FAM184B: variants seen among roughly 807,000 people sequenced by gnomAD.
FAM184B encodes protein FAM184B.
FAM184B carries 111 observed loss-of-function variants against 135.9 expected under a neutral mutation model. The observed-to-expected ratio is 0.82, with a 90% CI of 0.70 to 0.96. FAM184B has a LOEUF of 0.96. Ranked by LOEUF, FAM184B falls within the 40% of genes least tolerant of loss-of-function variation. FAM184B has a pLI of 0.00. For synonymous variants in FAM184B, 552 were observed against 524.8 expected (o/e 1.05, Z -0.71); for missense variants, 1,375 against 1,323.9 (o/e 1.04, Z -0.60).
chr4:17,640,912 C>G (rs1041424827), intron 13 of FAM184B, among the ~76,000 whole-genome samples: 1 of 152,112 alleles, frequency 6.6e-6, no homozygotes. Flanking sequence ...TACAACAGCC[C>G]TGACAGGCCA....
chr4:17,722,324 G>A (rs1050442920), intron 1 of FAM184B, among the ~76,000 whole-genome samples: 14 of 152,180 alleles, frequency 9.2e-5, no homozygotes, highest in African/African-American at 2.4e-4. Context: ...CCCTGGATTC[G>A]GGTGCTGAGA....
At chr4:17,694,526 A>AC (rs1716811436) in intron 5 of FAM184B, among the ~76,000 whole-genome samples, 1 of 151,834 alleles carries the variant, frequency 6.6e-6, no homozygotes, top group African/African-American at 2.4e-5. Context: ...CCATCTCAAA[A>AC]AAAAAAAAAA....
Position 17,630,813 on chromosome 4 carries a change from A to C in FAM184B, c.*1719T>G, listed in dbSNP as rs1202901869. 6.6e-6 allele frequency: 1 copy of C among 151,890 alleles called. No individual in the cohort carries two copies. Among genetic ancestry groups the C allele is most frequent in the African/African-American group, 2.4e-5 (1 of 41,354 alleles). 9.4% of individuals were successfully genotyped at this position (151,890 alleles called of 1,614,324 possible). A position where few individuals can be genotyped will look rare whatever the true frequency, so the allele number is the denominator to read the frequency against. On this transcript the variant is annotated 3_prime_UTR_variant, in exon 18 of 18. Coordinates refer to ENST00000265018, the MANE Select transcript of FAM184B (RefSeq NM_015688.2). ...TTTTAAGATGGTGTGATTGAGGTTA[A>C]TGTGAACTGAACTTTCTATTTCTAA...
intron 7 of FAM184B, among the ~76,000 whole-genome samples, chr4:17,677,337 T>C (rs985043753): frequency 1.3e-5 from 2 of 152,182 alleles, no homozygotes; most frequent in African/African-American, 4.8e-5. Context: ...CGTAAGCCAC[T>C]GCACCCAGCC....
chr4:17,772,810 G>A (rs7672456), intron 1 of FAM184B, among the ~76,000 whole-genome samples: 4,092 of 152,262 alleles, frequency 0.027, 175 homozygotes, highest in African/African-American at 0.092. Context: ...CACAATGCTA[G>A]GCCAGGGCAG....
chr4:17,779,323 G>C (rs191737004), intron 1 of FAM184B, among the ~76,000 whole-genome samples: 2 of 152,280 alleles, frequency 1.3e-5, no homozygotes, highest in African/African-American at 4.8e-5. Context: ...CCAAAAGAAT[G>C]GTGGCCTATT....
chr4:17,642,811 T>G (rs1482337178), intron 12 of FAM184B, among the ~76,000 whole-genome samples: 10 of 152,220 alleles, frequency 6.6e-5, no homozygotes, highest in Admixed American at 6.5e-4. Context: ...CTAAACAGAA[T>G]TGTGCTAGAA....
chr4:17,747,214 G>A (rs1288843587), intron 1 of FAM184B, among the ~76,000 whole-genome samples: 1 of 152,078 alleles, frequency 6.6e-6, no homozygotes, highest in African/African-American at 2.4e-5. Flanking sequence ...TTTAGGTGGT[G>A]ACATTTCAGC....
intron 12 of FAM184B, among the ~76,000 whole-genome samples, chr4:17,643,517 T>TC (rs1422892517): frequency 1.3e-5 from 2 of 151,906 alleles, no homozygotes; most frequent in Non-Finnish European, 2.9e-5. Flanking sequence ...ACTGACTCCC[T>TC]CCATGGCCCA....
intron 1 of FAM184B, among the ~76,000 whole-genome samples, chr4:17,776,430 C>A (rs1313651295): frequency 6.6e-6 from 1 of 152,134 alleles, no homozygotes; most frequent in African/African-American, 2.4e-5. Context: ...CTCTTGTTGC[C>A]CAGGCTGGAG....
intron 1 of FAM184B, among the ~76,000 whole-genome samples, chr4:17,715,729 C>A (rs1717389265): frequency 6.6e-6 from 1 of 151,964 alleles, no homozygotes; most frequent in African/African-American, 2.4e-5. Context: ...TTGCATACAT[C>A]AAAACATCAT....
rs1337931902 is a variant in FAM184B at position 17,633,493 on chromosome 4, C to T, written c.3089+196G>A. ...AGGAAGACTGTAATTTGAATTCAGACCTCCAGGCCAGATGGAGTCCACCTT... is the reference window on the plus strand; with the variant it reads ...AGGAAGACTGTAATTTGAATTCAGATCTCCAGGCCAGATGGAGTCCACCTT... On this transcript the variant is annotated intron_variant, in intron 17 of 17. Transcript: ENST00000265018. The T allele has an allele frequency of 3.5e-5, 17 of 492,000 alleles. No individual in the cohort carries two copies. The South Asian group carries it at 4.0e-4, about 12-fold the overall frequency. 30.5% of individuals were successfully genotyped at this position (492,000 alleles called of 1,614,324 possible).
intron 7 of FAM184B, among the ~76,000 whole-genome samples, chr4:17,672,181 C>T (rs765301730): frequency 6.6e-6 from 1 of 151,944 alleles, no homozygotes; most frequent in African/African-American, 2.4e-5. Context: ...ATAAGAGAAC[C>T]CCCTCATAAG....
At chr4:17,681,608 T>C (rs1213221031) in intron 7 of FAM184B, among the ~76,000 whole-genome samples, 1 of 152,192 alleles carries the variant, frequency 6.6e-6, no homozygotes, top group African/African-American at 2.4e-5. Flanking sequence ...CCAGGACAGG[T>C]GATGCCTCAA....
intron 1 of FAM184B, among the ~76,000 whole-genome samples, chr4:17,774,419 G>A (rs74448892): frequency 0.027 from 4,086 of 152,304 alleles, 176 homozygotes; most frequent in African/African-American, 0.092. Flanking sequence ...GGAGAGTGCT[G>A]GGAGGGTACA....
chr4:17,746,950 A>G (rs547602193), intron 1 of FAM184B, among the ~76,000 whole-genome samples: 1 of 151,310 alleles, frequency 6.6e-6, no homozygotes, highest in South Asian at 2.1e-4. Flanking sequence ...AGGCAGGAGA[A>G]TCGCTTGAGC....
chr4:17,728,604 C>T (rs572038669), intron 1 of FAM184B, among the ~76,000 whole-genome samples: 4 of 152,064 alleles, frequency 2.6e-5, no homozygotes, highest in South Asian at 4.2e-4. Flanking sequence ...GAGAAGATGG[C>T]AACTAAGGGG....
At chr4:17,733,265 G>A (rs547636116) in intron 1 of FAM184B, among the ~76,000 whole-genome samples, 2,298 of 152,270 alleles carry the variant, frequency 0.015, 23 homozygotes, top group South Asian at 0.023. Context: ...CATTCCCTTT[G>A]AAAACTGGCA....
At chr4:17,767,410 C>T (rs1718724520) in intron 1 of FAM184B, among the ~76,000 whole-genome samples, 1 of 152,116 alleles carries the variant, frequency 6.6e-6, no homozygotes, top group Non-Finnish European at 1.5e-5. Flanking sequence ...AGTTTTGGTT[C>T]CTATGAAAAC....
Sources: allele counts gnomAD v4.1 joint callset (sites outside exome capture counted in the v4.1 genomes callset), GRCh38; gene constraint gnomAD v4.1.1; transcripts MANE v1.5; gene names NCBI Gene and HGNC (gene_info 2026-07-23, HGNC 2026-07-21).